Variants in ARID4B observed in about 807,000 individuals in gnomAD.
ARID4B encodes AT-rich interactive domain-containing protein 4B.
A neutral mutation model predicts 147.5 loss-of-function variants in ARID4B; 26 were observed. That is an observed-to-expected ratio of 0.18 (90% CI 0.13 to 0.24). The LOEUF (loss-of-function observed/expected upper bound fraction) is 0.24. ARID4B is among the 10% of genes least tolerant of loss of function. The pLI, the probability that ARID4B is intolerant of heterozygous loss-of-function variation, is 1.00. For missense variants in ARID4B, 1,179 were observed against 1,511.5 expected (o/e 0.78, Z 3.65); for synonymous variants, 512 against 507.9 (o/e 1.01, Z -0.11).
intron 7 of ARID4B, 69 bp downstream of exon 7, chr1:235,246,351 A>G (rs1000185467): frequency 1.6e-6 from 2 of 1,289,770 alleles, no homozygotes; most frequent in Non-Finnish European, 2.2e-6. Flanking sequence ...CAATTTTAAA[A>G]TAACTATAAA....
chr1:235,204,268 G>A (rs910550877), intron 17 of ARID4B, among the ~76,000 whole-genome samples: 2 of 152,174 alleles, frequency 1.3e-5, no homozygotes, highest in Admixed American at 1.3e-4. Context: ...GTTGCAGTGA[G>A]CCAAGATCAT....
chr1:235,323,333 G>A (rs1470733072), intron 2 of ARID4B, among the ~76,000 whole-genome samples: 1 of 151,864 alleles, frequency 6.6e-6, no homozygotes, highest in Non-Finnish European at 1.5e-5. Flanking sequence ...GAGCCACCAT[G>A]CCCGCCAAAG....
At chr1:235,299,574 C>T (rs1051300501) in intron 2 of ARID4B, among the ~76,000 whole-genome samples, 13 of 152,246 alleles carry the variant, frequency 8.5e-5, no homozygotes, top group African/African-American at 3.1e-4. Flanking sequence ...CAAAAATTAA[C>T]ACCAGCCTCT....
intron 2 of ARID4B, among the ~76,000 whole-genome samples, chr1:235,325,698 AT>A (rs1363306860): frequency 1.3e-5 from 2 of 152,224 alleles, no homozygotes; most frequent in African/African-American, 4.8e-5. Flanking sequence ...AACAAAAGGG[AT>A]TCATTCCTGA....
At chr1:235,244,732 T>C (rs1354866646) in intron 7 of ARID4B, among the ~76,000 whole-genome samples, 2 of 152,178 alleles carry the variant, frequency 1.3e-5, no homozygotes, top group East Asian at 3.8e-4. Context: ...CATATCTTTG[T>C]ACAAAAATAC....
In ARID4B at chr1:235,261,340, G is replaced by A. The variant is rs1204550595; in HGVS notation, c.7-588C>T. Among the ~76,000 whole-genome samples the A allele has an allele frequency of 8.5e-5, 13 of 152,086 alleles. No individual in the cohort carries two copies. In the East Asian group the frequency reaches 2.5e-3, roughly 29 times the overall value. On this transcript the variant is annotated intron_variant, in intron 2 of 23. Transcript: ENST00000264183. ...TTTGAGACCACCCCAAGCAACATAG[G>A]GAAAACTCAACTCTACAAAATAAAA...
intron 23 of ARID4B, among the ~76,000 whole-genome samples, chr1:235,169,666 T>G (rs144616817): frequency 6.6e-6 from 1 of 151,902 alleles, no homozygotes; most frequent in East Asian, 1.9e-4. Flanking sequence ...CTCCTTTTTT[T>G]TTTTTTTCCT....
At chr1:235,283,711 G>C (rs1488037931) in intron 2 of ARID4B, among the ~76,000 whole-genome samples, 1 of 152,064 alleles carries the variant, frequency 6.6e-6, no homozygotes, top group African/African-American at 2.4e-5. Flanking sequence ...AGACCCTAAA[G>C]AAAATGAAAC....
chr1:235,244,180 C>T (rs1009395578), intron 7 of ARID4B, among the ~76,000 whole-genome samples: 1 of 152,070 alleles, frequency 6.6e-6, no homozygotes, highest in African/African-American at 2.4e-5. Context: ...TGGGTAAAAT[C>T]CATACTCATA....
intron 19 of ARID4B, 75 bp downstream of exon 19, chr1:235,193,938 C>T (rs1051251653): frequency 8.6e-7 from 1 of 1,157,884 alleles, no homozygotes; most frequent in East Asian, 2.4e-5. Context: ...GGTAATGTCA[C>T]TGAATTACCT....
intron 21 of ARID4B, chr1:235,176,956 G>A (rs2102909788): frequency 4.2e-6 from 2 of 471,124 alleles, no homozygotes; most frequent in Middle Eastern, 3.3e-4. Context: ...CTACAAAAGA[G>A]AGATAAAATG....
chr1:235,177,615 G>GT (rs754941124), intron 21 of ARID4B, 185 bp downstream of exon 21: 15,898 of 419,188 alleles, frequency 0.038, 8 homozygotes, highest in Middle Eastern at 0.056. Context: ...CCTAGTGCAT[G>GT]TTTTTTTTTT....
intron 2 of ARID4B, among the ~76,000 whole-genome samples, chr1:235,325,365 T>TA (rs34980496): frequency 6.1e-4 from 87 of 142,112 alleles, no homozygotes; most frequent in South Asian, 2.0e-3. Context: ...ACAGACTACT[T>TA]AAAAAAAAAA....
chr1:235,311,425 T>C (rs16832537), intron 2 of ARID4B, among the ~76,000 whole-genome samples: 19,770 of 150,588 alleles, frequency 0.13, 1,514 homozygotes, highest in African/African-American at 0.2. Context: ...AGAAGCTTTG[T>C]ATATATAATA....
At chr1:235,264,757 AG>A (rs1670494890) in intron 2 of ARID4B, among the ~76,000 whole-genome samples, 1 of 152,164 alleles carries the variant, frequency 6.6e-6, no homozygotes, top group Non-Finnish European at 1.5e-5. Flanking sequence ...TTAATATTCG[AG>A]GGGCAAAACC....
intron 4 of ARID4B, among the ~76,000 whole-genome samples, chr1:235,256,173 CAAAAAA>C (rs58486379): frequency 1.1e-5 from 1 of 92,508 alleles, no homozygotes; most frequent in African/African-American, 4.3e-5. Flanking sequence ...GACTCTGCCT[CAAAAAA>C]AAAAAAAAAA....
At chr1:235,215,429 A>G (rs1200495715) in intron 16 of ARID4B, among the ~76,000 whole-genome samples, 1 of 152,036 alleles carries the variant, frequency 6.6e-6, no homozygotes, top group Non-Finnish European at 1.5e-5. Flanking sequence ...ATAGTTTAGT[A>G]TTTAAGCTTT....
chr1:235,229,088 T>G (rs1415378329), intron 11 of ARID4B, 143 bp downstream of exon 11: 2 of 974,934 alleles, frequency 2.1e-6, no homozygotes, highest in Middle Eastern at 3.3e-4. Flanking sequence ...TATCTGATTA[T>G]GAGGATCTCA....
intron 17 of ARID4B, among the ~76,000 whole-genome samples, chr1:235,205,937 G>GA (rs1666280154): frequency 6.6e-6 from 1 of 152,164 alleles, no homozygotes. Context: ...CGTCTCTGTG[G>GA]AAAAGTTTGA....
Sources: allele counts gnomAD v4.1 joint callset (sites outside exome capture counted in the v4.1 genomes callset), GRCh38; gene constraint gnomAD v4.1.1; transcripts MANE v1.5; gene names NCBI Gene and HGNC (gene_info 2026-07-23, HGNC 2026-07-21).